Variants in OVOL2 observed in about 807,000 individuals in gnomAD.
OVOL2 encodes transcription factor Ovo-like 2.
A neutral mutation model predicts 18.1 loss-of-function variants in OVOL2; 13 were observed. The ratio of observed to expected loss-of-function variants is 0.72; its 90% confidence interval spans 0.47 to 1.14. The LOEUF (loss-of-function observed/expected upper bound fraction) is 1.14, where lower values mean the gene tolerates loss of function less well. Ranked by LOEUF, OVOL2 falls within the 50% of genes most tolerant of loss-of-function variation. The pLI is 0.00. For synonymous variants in OVOL2, 166 were observed against 162.7 expected, an observed-to-expected ratio of 1.02 and a Z score of -0.16; for missense variants, 335 against 383.0, an observed-to-expected ratio of 0.87 and a Z score of 1.05.
chr20:18,026,649 G>T (rs1483644283), intron 3 of OVOL2, among the ~76,000 whole-genome samples: 3 of 152,144 alleles, frequency 2.0e-5, no homozygotes, highest in Non-Finnish European at 2.9e-5. Context: ...CCAAGGTGCT[G>T]GGATTACAGG....
At chr20:18,033,928 A>T (rs1019960201) in intron 3 of OVOL2, among the ~76,000 whole-genome samples, 2 of 152,206 alleles carry the variant, frequency 1.3e-5, no homozygotes, top group African/African-American at 4.8e-5. Flanking sequence ...AATACTATAT[A>T]TATCCTATAA....
At position 18,024,950 on chromosome 20, in the gene OVOL2, T is replaced by A. The variant is rs1291065227; in HGVS notation, c.514A>T (p.Ile172Phe). Residue 172 changes from isoleucine (I) to phenylalanine (F), a missense_variant and splice_region_variant, in exon 4 of 4, where the codon ATT (isoleucine) becomes TTT (phenylalanine). Physicochemically the swap from Ile to Phe is conservative, Grantham distance 21. Coordinates refer to ENST00000278780, the MANE Select transcript of OVOL2 (RefSeq NM_021220.4). ...CAGACGTTGCATTTGTAGGGACGAA[T>A]GCCTGAAAGGATGAGGGACAGACAC... is the stretch of plus-strand genomic sequence containing the variant. ...LKRHVRTHTG[I>F]RPYKCNVCNK... The A allele has an allele frequency of 6.2e-7, 1 of 1,609,150 alleles. No individual in the cohort carries two copies. Among genetic ancestry groups the A allele is most frequent in the Non-Finnish European group, 8.5e-7 (1 of 1,175,994 alleles).
chr20:18,027,825 G>A (rs997149686), intron 3 of OVOL2, among the ~76,000 whole-genome samples: 5 of 152,028 alleles, frequency 3.3e-5, no homozygotes, highest in African/African-American at 7.2e-5. Flanking sequence ...TCGATCTCCC[G>A]ACCTCGTGAT....
intron 3 of OVOL2, among the ~76,000 whole-genome samples, chr20:18,034,598 C>T (rs2036598160): frequency 6.6e-6 from 1 of 151,798 alleles, no homozygotes; most frequent in African/African-American, 2.4e-5. Flanking sequence ...CAGTAGGACA[C>T]CATTTAACTA....
At position 18,024,525 on chromosome 20, in the gene OVOL2, G is replaced by T; in HGVS notation, c.*111C>A. On this transcript the variant is annotated 3_prime_UTR_variant, in exon 4 of 4. Coordinates refer to ENST00000278780, the MANE Select transcript of OVOL2 (RefSeq NM_021220.4). ...TGATGTTTCAAAAGGACACAGAGGTGAACTGGTCACTTCTAATTAAGAAGA... is the reference window on the plus strand; with the variant it reads ...TGATGTTTCAAAAGGACACAGAGGTTAACTGGTCACTTCTAATTAAGAAGA... 6.9e-7 allele frequency: 1 copy of T among 1,454,136 alleles called. No homozygotes were observed. The allele number at this position is 1,454,136 out of a possible 1,614,324, so 90.1% of individuals were successfully genotyped here. A position where few individuals can be genotyped will look rare whatever the true frequency, so the allele number is the denominator to read the frequency against.
At chr20:18,036,378 TA>T (rs879879201) in intron 3 of OVOL2, among the ~76,000 whole-genome samples, 1 of 152,152 alleles carries the variant, frequency 6.6e-6, no homozygotes, top group Non-Finnish European at 1.5e-5. Flanking sequence ...CTTTTGCCTA[TA>T]CAACACATCT....
In OVOL2 at chr20:18,048,373, G is replaced by A. The variant is rs574259825; in HGVS notation, c.322-6650C>T. On this transcript the variant is annotated intron_variant, in intron 2 of 3. Transcript: ENST00000278780. ...AAAGGGGAACTAAAAAAAACAAAAC[G>A]AAACTAAAAAGGGAGCCACTAGCTC... is the stretch of plus-strand genomic sequence containing the variant. Among the ~76,000 whole-genome samples the A allele has an allele frequency of 2.0e-4, 30 of 152,140 alleles. No homozygotes were observed. The South Asian group carries it at 4.1e-3, about 21-fold the overall frequency.
intron 3 of OVOL2, among the ~76,000 whole-genome samples, chr20:18,030,114 AC>A (rs1180750132): frequency 6.6e-6 from 1 of 152,336 alleles, no homozygotes; most frequent in African/African-American, 2.4e-5. Flanking sequence ...CATCTTTGGG[AC>A]TAGTTTTCCA....
intron 2 of OVOL2, among the ~76,000 whole-genome samples, chr20:18,054,056 T>C (rs2036794924): frequency 6.6e-6 from 1 of 152,220 alleles, no homozygotes; most frequent in Non-Finnish European, 1.5e-5. Context: ...GGTTTCACAT[T>C]CACTGTCCTG....
At chr20:18,050,079 C>T (rs962232369) in intron 2 of OVOL2, among the ~76,000 whole-genome samples, 5 of 152,122 alleles carry the variant, frequency 3.3e-5, no homozygotes, top group African/African-American at 1.2e-4. Flanking sequence ...AGATTTGGGG[C>T]CATACATGCT....
chr20:18,049,241 C>G (rs1217356725), intron 2 of OVOL2, among the ~76,000 whole-genome samples: 1 of 152,224 alleles, frequency 6.6e-6, no homozygotes, highest in Non-Finnish European at 1.5e-5. Flanking sequence ...CTCCGCACTG[C>G]TGAAAACTGC....
chr20:18,041,291 G>A (rs1164505318), intron 3 of OVOL2, among the ~76,000 whole-genome samples: 1 of 147,836 alleles, frequency 6.8e-6, no homozygotes, highest in Non-Finnish European at 1.5e-5. Context: ...AGCCTCCCAA[G>A]TAGCTGGGAT....
At chr20:18,055,624 A>C (rs750914443) in intron 2 of OVOL2, among the ~76,000 whole-genome samples, 1 of 152,192 alleles carries the variant, frequency 6.6e-6, no homozygotes, top group Non-Finnish European at 1.5e-5. Flanking sequence ...CGCAATGTGC[A>C]TAGGGGACCT....
intron 2 of OVOL2, among the ~76,000 whole-genome samples, chr20:18,053,654 T>C (rs1055813469): frequency 2.0e-5 from 3 of 150,652 alleles, no homozygotes; most frequent in Non-Finnish European, 2.9e-5. Flanking sequence ...TGAGCTGAGA[T>C]TGCGCAACTG....
chr20:18,042,920 C>G (rs2036687936), intron 2 of OVOL2, among the ~76,000 whole-genome samples: 1 of 152,144 alleles, frequency 6.6e-6, no homozygotes, highest in African/African-American at 2.4e-5. Context: ...CAGCCCTATG[C>G]TTCTTGTATA....
chr20:18,041,531 C>T lies in OVOL2; in HGVS notation c.511+3G>A, dbSNP rs2036667965. The T allele has an allele frequency of 6.2e-7, 1 of 1,607,526 alleles. No homozygotes were observed. ...GAGAACAAAGCACGCACTCCCCGCTCACCTGTGTGTGTGCGGACGTGCCTC... is the reference window on the plus strand; with the variant it reads ...GAGAACAAAGCACGCACTCCCCGCTTACCTGTGTGTGTGCGGACGTGCCTC... On this transcript the variant is annotated splice_donor_region_variant and intron_variant, in intron 3 of 3. Transcript: ENST00000278780.
intron 3 of OVOL2, among the ~76,000 whole-genome samples, chr20:18,025,593 A>G (rs1162374246): frequency 6.6e-6 from 1 of 152,140 alleles, no homozygotes; most frequent in East Asian, 1.9e-4. Context: ...GGGTATTCCC[A>G]GAAACAGAGC....
At chr20:18,051,230 A>G (rs2036769006) in intron 2 of OVOL2, among the ~76,000 whole-genome samples, 2 of 152,086 alleles carry the variant, frequency 1.3e-5, no homozygotes, top group Non-Finnish European at 2.9e-5. Context: ...ATAAATAAAG[A>G]GAAAGAAAAG....
At chr20:18,046,190 G>A (rs1045338045) in intron 2 of OVOL2, among the ~76,000 whole-genome samples, 14 of 152,202 alleles carry the variant, frequency 9.2e-5, no homozygotes, top group Admixed American at 7.2e-4. Context: ...GAAAGGAAGG[G>A]ATCTTTGTAA....
Sources: gnomAD v4.1 joint callset for allele counts (sites outside exome capture counted in the v4.1 genomes callset) on GRCh38, gnomAD v4.1.1 for gene constraint, MANE v1.5 for transcripts, NCBI Gene and HGNC (gene_info 2026-07-23, HGNC 2026-07-21) for gene names.